The following HPSE2 variants were observed in gnomAD, a reference collection of about 807,000 sequenced individuals.
HPSE2 encodes heparanase 2 (inactive).
Under a neutral mutation model 60.5 loss-of-function variants are expected in HPSE2, and 38 were observed. That is an observed-to-expected ratio of 0.63 (90% CI 0.48 to 0.82). The LOEUF is 0.82. Ranked by LOEUF, HPSE2 falls within the 40% of genes least tolerant of loss-of-function variation. The pLI, the probability that HPSE2 is intolerant of heterozygous loss-of-function variation, is 0.00. For synonymous variants in HPSE2, 295 were observed against 293.2 expected, an observed-to-expected ratio of 1.01 and a Z score of -0.06; for missense variants, 713 against 740.4, an observed-to-expected ratio of 0.96 and a Z score of 0.43.
intron 3 of HPSE2, among the ~76,000 whole-genome samples, chr10:98,889,033 A>G: frequency 6.6e-6 from 1 of 152,288 alleles, no homozygotes; most frequent in Non-Finnish European, 1.5e-5. Flanking sequence ...CTATTAAAAA[A>G]TTAGAAGTCT....
intron 3 of HPSE2, among the ~76,000 whole-genome samples, chr10:99,030,971 T>C (rs1231775659): frequency 6.6e-6 from 1 of 152,152 alleles, no homozygotes; most frequent in African/African-American, 2.4e-5. Context: ...GAAAGATGGT[T>C]ACCAGAGGCT....
At chr10:98,868,212 G>A (rs1199387065) in intron 3 of HPSE2, among the ~76,000 whole-genome samples, 1 of 151,744 alleles carries the variant, frequency 6.6e-6, no homozygotes, top group East Asian at 1.9e-4. Context: ...GAAACTGGAG[G>A]TTATTATGTT....
At chr10:98,943,482 C>A (rs1274575192) in intron 3 of HPSE2, among the ~76,000 whole-genome samples, 2 of 151,904 alleles carry the variant, frequency 1.3e-5, no homozygotes, top group African/African-American at 4.8e-5. Flanking sequence ...CCTAATGATC[C>A]CCACCCCTTC....
chr10:99,131,602 T>C (rs889108130), intron 3 of HPSE2, among the ~76,000 whole-genome samples: 1 of 152,162 alleles, frequency 6.6e-6, no homozygotes, highest in African/African-American at 2.4e-5. Flanking sequence ...GCAACTTGGA[T>C]GGAACTGGAG....
intron 4 of HPSE2, among the ~76,000 whole-genome samples, chr10:98,743,530 G>A (rs1332360751): frequency 1.3e-5 from 2 of 152,128 alleles, no homozygotes; most frequent in Non-Finnish European, 2.9e-5. Context: ...CATCTTGTAG[G>A]ACCAATGTTC....
chr10:98,790,887 A>G (rs1163490993), intron 3 of HPSE2, among the ~76,000 whole-genome samples: 1 of 152,186 alleles, frequency 6.6e-6, no homozygotes, highest in African/African-American at 2.4e-5. Flanking sequence ...GCAGTGACTA[A>G]AAGATTAGAG....
chr10:98,999,321 G>T (rs1224362359), intron 3 of HPSE2, among the ~76,000 whole-genome samples: 1 of 152,156 alleles, frequency 6.6e-6, no homozygotes, highest in African/African-American at 2.4e-5. Flanking sequence ...TGGAAACTCA[G>T]ATGCAACAAA....
chr10:99,221,418 G>GT (rs1204431335), intron 2 of HPSE2, among the ~76,000 whole-genome samples: 2 of 152,094 alleles, frequency 1.3e-5, no homozygotes, highest in Non-Finnish European at 2.9e-5. Context: ...CTCTCACAGT[G>GT]CCCTATAATC....
At chr10:98,779,375 T>A (rs1459970769) in intron 3 of HPSE2, among the ~76,000 whole-genome samples, 1 of 152,154 alleles carries the variant, frequency 6.6e-6, no homozygotes, top group Non-Finnish European at 1.5e-5. Context: ...GAATCAAGTG[T>A]CTTAAAGCTA....
At chr10:98,932,776 A>G (rs1467489481) in intron 3 of HPSE2, among the ~76,000 whole-genome samples, 1 of 143,592 alleles carries the variant, frequency 7.0e-6, no homozygotes, top group East Asian at 2.0e-4. Context: ...AGGTGTTTAT[A>G]GTATTCTCTG....
chr10:98,603,790 T>A (rs2133949175), intron 9 of HPSE2, among the ~76,000 whole-genome samples: 1 of 152,214 alleles, frequency 6.6e-6, no homozygotes, highest in South Asian at 2.1e-4. Context: ...TAATACCCTG[T>A]TGGGGTATTA....
intron 6 of HPSE2, among the ~76,000 whole-genome samples, chr10:98,648,034 C>G (rs1227121253): frequency 6.6e-6 from 1 of 152,122 alleles, no homozygotes; most frequent in Non-Finnish European, 1.5e-5. Flanking sequence ...ATACTAAAGG[C>G]AAATAATGTC....
At chr10:98,459,793 T>C (rs1055812313) in intron 11 of HPSE2, 54 bp from the exon 12 acceptor site, 1 of 1,540,694 alleles carries the variant, frequency 6.5e-7, no homozygotes, top group Non-Finnish European at 8.9e-7. Flanking sequence ...AGGGAGCCAC[T>C]GCAACAAAGC....
At chr10:98,600,866 C>T (rs1237720595) in intron 9 of HPSE2, among the ~76,000 whole-genome samples, 11 of 98,398 alleles carry the variant, frequency 1.1e-4, no homozygotes, top group South Asian at 6.8e-4. Context: ...TATATATATA[C>T]GTATATATGT....
At chr10:98,482,578 C>A in intron 11 of HPSE2, 58 bp downstream of exon 11, 2 of 1,606,676 alleles carry the variant, frequency 1.2e-6, no homozygotes, top group Non-Finnish European at 1.7e-6. Flanking sequence ...TCTTCAGCCT[C>A]CCCCTCCCTC....
rs373488450 is a variant in HPSE2, at chr10:99,144,272, T to C, written c.576A>G (p.Gln192=). ...AQMHLVLLKE[Q]FSNTYSNLIL... ...TGAGATTACTGTAAGTATTGGAGAA[T>C]TGCTCCTTTAGAAGAACCAGATGCA... Residue 192 remains glutamine (Q), a synonymous_variant, in exon 3 of 12, where the codon CAA becomes CAG. Coordinates refer to ENST00000370552, the MANE Select transcript of HPSE2 (RefSeq NM_021828.5). 1.6e-5 allele frequency: 26 copies of C among 1,614,068 alleles called. No individual in the cohort carries two copies. The highest frequency in any genetic ancestry group is 1.7e-4 in the Middle Eastern group (1 of 6,056).
chr10:98,913,695 A>T (rs1433764028), intron 3 of HPSE2, among the ~76,000 whole-genome samples: 1 of 152,178 alleles, frequency 6.6e-6, no homozygotes, highest in African/African-American at 2.4e-5. Flanking sequence ...GATGCAGACC[A>T]CTGACTGCCT....
intron 3 of HPSE2, among the ~76,000 whole-genome samples, chr10:98,821,426 A>G (rs1280714361): frequency 6.6e-6 from 1 of 152,218 alleles, no homozygotes; most frequent in Non-Finnish European, 1.5e-5. Flanking sequence ...TCAACATAGA[A>G]AAGGTACAGT....
intron 5 of HPSE2, among the ~76,000 whole-genome samples, chr10:98,709,138 G>A (rs1456432307): frequency 6.6e-6 from 1 of 151,996 alleles, no homozygotes; most frequent in East Asian, 1.9e-4. Flanking sequence ...CTCTAGTTCT[G>A]CCTGTTTCTC....
Sources: gnomAD v4.1 joint callset for allele counts (sites outside exome capture counted in the v4.1 genomes callset) on GRCh38, gnomAD v4.1.1 for gene constraint, MANE v1.5 for transcripts, NCBI Gene and HGNC (gene_info 2026-07-23, HGNC 2026-07-21) for gene names.